Variants in STOML1 observed in about 807,000 individuals in gnomAD.
STOML1 encodes the protein stomatin like 1.
In STOML1, 27 loss-of-function variants were observed where a neutral mutation model predicts 35.7. That is an observed-to-expected ratio of 0.76 (90% confidence interval 0.56 to 1.04). The LOEUF is 1.04. STOML1 is among the 50% of genes least tolerant of loss of function. The pLI is 0.00. For synonymous variants in STOML1, 219 were observed against 227.9 expected, an observed-to-expected ratio of 0.96 and a Z score of 0.35; for missense variants, 451 against 527.1, an observed-to-expected ratio of 0.86 and a Z score of 1.41.
chr15:73,984,685 C>G lies in STOML1; in HGVS notation c.977G>C (p.Ser326Thr). The G allele has an allele frequency of 6.2e-7, 1 of 1,614,144 alleles. No homozygotes were observed. The highest frequency in any genetic ancestry group is 8.5e-7 in the Non-Finnish European group (1 of 1,180,028). The change falls in exon 6 of 7, where the codon AGC becomes ACC. Residue 326 changes from serine to threonine, a missense_variant. Transcript: ENST00000541638. The part of the protein sequence containing the change: ...FNVVLPSGTQ[S>T]AYFLDLTTGR... ...TGTAGTGAGGTCCAGGAAGTAGGCG[C>G]TTTGGGTGCCGCTGGGCAGGACGAC...
In STOML1 at chr15:73,988,737, C is replaced by T. The variant is rs754954619; in HGVS notation, c.456G>A (p.Pro152=). ...GADVQFRIWD[P]VLSVMTVKDL... ...CTTTCACAGTCATCACCGACAGCAC[C>T]GGGTCCCAGATGCGAAACTGGACAT... Residue 152 remains proline, a synonymous_variant, in exon 4 of 7, where the codon CCG becomes CCA. Transcript: ENST00000541638. The surrounding 1 kb of genome is among the most constrained non-coding windows in gnomAD (Gnocchi z 4.8). The T allele has an allele frequency of 7.4e-6, 12 of 1,614,184 alleles. No individual in the cohort carries two copies. The highest frequency in any genetic ancestry group is 8.5e-6 in the Non-Finnish European group (10 of 1,180,032).
At chr15:73,984,576 C>T (rs2069025817) in intron 6 of STOML1, 83 bp downstream of exon 6, 4 of 1,488,978 alleles carry the variant, frequency 2.7e-6, no homozygotes, top group Admixed American at 3.8e-5. Context: ...GAGCAGGGGG[C>T]AGTCTACGAG....
chr15:73,994,556 G>A, upstream of STOML1: 1 of 568,036 alleles, frequency 1.8e-6, no homozygotes, highest in Non-Finnish European at 3.2e-6. Context: ...TTTACCGTAA[G>A]TCAGCGGTAG....
In STOML1 at chr15:73,992,278, T is replaced by C; in HGVS notation, c.-55A>G. The C allele has an allele frequency of 6.5e-7, 1 of 1,547,560 alleles. No individual in the cohort carries two copies. The highest frequency in any genetic ancestry group is 1.4e-5 in the African/African-American group (1 of 69,286). On this transcript the variant is annotated 5_prime_UTR_variant, in exon 1 of 7. Transcript: ENST00000541638. ...TCCGCGCGGCGCCCTCCCTGGCCAGTGGGCCCTACGCGGCCCCGCCCTCCT... is the reference window on the plus strand; with the variant it reads ...TCCGCGCGGCGCCCTCCCTGGCCAGCGGGCCCTACGCGGCCCCGCCCTCCT...
chr15:73,992,086 C>T lies in STOML1; in HGVS notation c.133+5G>A, dbSNP rs541346390. 15 of 1,579,164 alleles carry T rather than the reference C, an allele frequency of 9.5e-6. No homozygotes were observed. The South Asian group carries it at 1.6e-4, about 17-fold the overall frequency. ...CCGGCTCCGCCGTGCCAGGCGGCCACTCACCGGCCCCTGTCCCCACGCCGC... is the reference window on the plus strand; with the variant it reads ...CCGGCTCCGCCGTGCCAGGCGGCCATTCACCGGCCCCTGTCCCCACGCCGC... On this transcript the variant is annotated splice_donor_5th_base_variant and intron_variant, in intron 1 of 6. Coordinates refer to ENST00000541638, the MANE Select transcript of STOML1 (RefSeq NM_004809.5).
chr15:73,992,262 C>G lies in STOML1; in HGVS notation c.-39G>C, dbSNP rs746808382. ...AGACACGCCCCGCGCCTCCGCGCGG[C>G]GCCCTCCCTGGCCAGTGGGCCCTAC... On this transcript the variant is annotated 5_prime_UTR_variant, in exon 1 of 7. Coordinates refer to ENST00000541638, the MANE Select transcript of STOML1 (RefSeq NM_004809.5). 3.8e-6 allele frequency: 6 copies of G among 1,575,096 alleles called. No individual in the cohort carries two copies. In the East Asian group the frequency reaches 1.3e-4, roughly 33 times the overall value.
chr15:73,984,524 T>G, intron 6 of STOML1, 135 bp downstream of exon 6: 1 of 1,039,042 alleles, frequency 9.6e-7, no homozygotes, highest in Non-Finnish European at 1.4e-6. Context: ...AAATGGTGTC[T>G]GAGCCCCTGC....
intron 5 of STOML1, 112 bp downstream of exon 5, chr15:73,985,206 G>A: frequency 7.8e-7 from 1 of 1,285,004 alleles, no homozygotes. Context: ...GTCAGTGTGG[G>A]CTGAACATCT....
At chr15:73,994,593 TC>T (rs143604540), upstream of STOML1, 1,548 of 611,748 alleles carry the variant, frequency 2.5e-3, 13 homozygotes, top group African/African-American at 0.024. Context: ...CTCTACCTCC[TC>T]CCCGCTCTGG....
chr15:73,984,831 G>A lies in STOML1; in HGVS notation c.831C>T (p.Ala277=). The change falls in exon 6 of 7, where the codon GCC becomes GCT. Residue 277 remains alanine (A), a synonymous_variant. Transcript: ENST00000541638. ...VEMVSEVEPP[A]PQVGARSSPK... is the part of the protein sequence containing the mutation. ...GACTGGACCTGGCACCAACTTGAGGGGCAGGTGGCTCAACTTCACTCACCA... is the reference window on the plus strand; with the variant it reads ...GACTGGACCTGGCACCAACTTGAGGAGCAGGTGGCTCAACTTCACTCACCA... The A allele has an allele frequency of 6.2e-7, 1 of 1,614,098 alleles. No individual in the cohort carries two copies. Among genetic ancestry groups the A allele is most frequent in the Non-Finnish European group, 8.5e-7 (1 of 1,180,022 alleles).
intron 4 of STOML1, 99 bp from the exon 5 acceptor site, chr15:73,985,612 C>T: frequency 5.1e-6 from 7 of 1,367,950 alleles, no homozygotes; most frequent in Non-Finnish European, 6.9e-6. Context: ...CATGGAGGCA[C>T]CACACCGCCC....
upstream of STOML1, among the ~76,000 whole-genome samples, chr15:73,994,202 T>A (rs2069368723): frequency 6.6e-6 from 1 of 152,182 alleles, no homozygotes. Flanking sequence ...CCCTCTTAAA[T>A]CTGAAAATGG....
chr15:73,983,636 G>T lies in STOML1; in HGVS notation c.*301C>A. On this transcript the variant is annotated 3_prime_UTR_variant, in exon 7 of 7. Coordinates refer to ENST00000541638, the MANE Select transcript of STOML1 (RefSeq NM_004809.5). ...TGGGTCCTGTCTCTCCAGTCAGGAA[G>T]CCAGCAGGGCAGGGCAGGCCTGGCT... The T allele has an allele frequency of 3.2e-6, 1 of 317,120 alleles. No individual in the cohort carries two copies. Among genetic ancestry groups the T allele is most frequent in the Non-Finnish European group, 5.8e-6 (1 of 172,176 alleles). The allele number at this position is 317,120 out of a possible 1,614,324, so 19.6% of individuals were successfully genotyped here.
In STOML1 at chr15:73,992,122, G is replaced by A. The variant is rs1319997602; in HGVS notation, c.102C>T (p.Ser34=). The A allele has an allele frequency of 6.2e-7, 1 of 1,604,224 alleles. No individual in the cohort carries two copies. ...GFLGSQKGCL[S]PERGGVGTGA... Reference sequence around the variant, plus strand: ...CTGTCCCCACGCCGCCCCGCTCCGGGGACAAGCAGCCCTTCTGCGAGCCCA... The same window carrying A: ...CTGTCCCCACGCCGCCCCGCTCCGGAGACAAGCAGCCCTTCTGCGAGCCCA... Residue 34 remains serine, a synonymous_variant, in exon 1 of 7, where the codon TCC becomes TCT. Coordinates refer to ENST00000541638, the MANE Select transcript of STOML1 (RefSeq NM_004809.5).
In STOML1 at chr15:73,981,361, A is replaced by T. The variant is rs1019685019; in HGVS notation, c.*2576T>A. On this transcript the variant is annotated 3_prime_UTR_variant, in exon 7 of 7. Coordinates refer to ENST00000541638, the MANE Select transcript of STOML1 (RefSeq NM_004809.5). Reference sequence around the variant, plus strand: ...GAGTAAGACTCTTGTTTCAAAAAAAAATAAAATACTTTTCAATAACATCAA... The same window carrying T: ...GAGTAAGACTCTTGTTTCAAAAAAATATAAAATACTTTTCAATAACATCAA... 3 of 152,208 alleles carry T rather than the reference A, an allele frequency of 2.0e-5. No individual in the cohort carries two copies. Among genetic ancestry groups the T allele is most frequent in the African/African-American group, 7.2e-5 (3 of 41,438 alleles). 9.4% of individuals were successfully genotyped at this position (152,208 alleles called of 1,614,324 possible).
intron 2 of STOML1, 139 bp downstream of exon 2, chr15:73,990,212 A>T: frequency 1.3e-6 from 1 of 746,226 alleles, no homozygotes; most frequent in Non-Finnish European, 2.2e-6. Flanking sequence ...AATGTGAATG[A>T]ATGGTTCTTG....
At chr15:73,992,391 C>T (rs2069313085), upstream of STOML1, 4 of 690,212 alleles carry the variant, frequency 5.8e-6, no homozygotes, top group Non-Finnish European at 8.3e-6. Flanking sequence ...CTTCCGCCGT[C>T]GCATGGCTCC....
At chr15:73,992,366 G>A (rs1257719096), upstream of STOML1, 8 of 959,294 alleles carry the variant, frequency 8.3e-6, no homozygotes, top group African/African-American at 1.7e-5. Context: ...GGAAGAGGAG[G>A]CCGGCCGGGG....
intron 2 of STOML1, 91 bp from the exon 3 acceptor site, chr15:73,989,348 C>T: frequency 7.3e-7 from 1 of 1,374,712 alleles, no homozygotes. Context: ...TTCTCTCCTC[C>T]TCACCTGGGT....
Sources: gnomAD v4.1 joint callset for allele counts (sites outside exome capture counted in the v4.1 genomes callset) on GRCh38, gnomAD v4.1.1 for gene constraint, Gnocchi (gnomAD v3.1) non-coding constraint, MANE v1.5 for transcripts, NCBI Gene and HGNC (gene_info 2026-07-23, HGNC 2026-07-21) for gene names.